The following CLYBL variants were observed in gnomAD, a reference collection of about 807,000 sequenced individuals.
CLYBL encodes citramalyl-CoA lyase, mitochondrial.
In CLYBL, 31 loss-of-function variants were observed where a neutral mutation model predicts 38.9. The ratio of observed to expected loss-of-function variants is 0.80; its 90% CI spans 0.60 to 1.08. The LOEUF (loss-of-function observed/expected upper bound fraction) is 1.08. Ranked by LOEUF, CLYBL falls within the 50% of genes least tolerant of loss-of-function variation. The pLI is 0.00. For missense variants in CLYBL, 434 were observed against 411.6 expected, an observed-to-expected ratio of 1.05 and a Z score of -0.47; for synonymous variants, 171 against 158.6, an observed-to-expected ratio of 1.08 and a Z score of -0.59.
At chr13:99,770,356 C>A (rs2049360714) in intron 1 of CLYBL, among the ~76,000 whole-genome samples, 1 of 152,102 alleles carries the variant, frequency 6.6e-6, no homozygotes, top group Non-Finnish European at 1.5e-5. Context: ...CTCGCTCTGT[C>A]ACCCAGGGTA....
chr13:99,697,368 A>G (rs1463041434), intron 1 of CLYBL, among the ~76,000 whole-genome samples: 1 of 152,082 alleles, frequency 6.6e-6, no homozygotes, highest in Non-Finnish European at 1.5e-5. Context: ...TTTATCCCAC[A>G]GGCTTTTTAT....
chr13:99,824,271 C>T (rs560818891), intron 2 of CLYBL, among the ~76,000 whole-genome samples: 40 of 141,556 alleles, frequency 2.8e-4, no homozygotes, highest in Middle Eastern at 3.5e-3. Context: ...CCCCCACCCA[C>T]CCCCAGCTAA....
At chr13:99,702,639 A>G (rs1274832097) in intron 1 of CLYBL, among the ~76,000 whole-genome samples, 2 of 152,124 alleles carry the variant, frequency 1.3e-5, no homozygotes, top group Non-Finnish European at 2.9e-5. Context: ...TCTCAAAAAA[A>G]AAAAAAAAAA....
At chr13:99,830,804 A>G (rs755646663) in intron 2 of CLYBL, among the ~76,000 whole-genome samples, 13 of 152,252 alleles carry the variant, frequency 8.5e-5, no homozygotes, top group Non-Finnish European at 1.8e-4. Flanking sequence ...ATATGCTTCC[A>G]GTCGTGGATT....
chr13:99,809,183 T>C (rs1156827380), intron 2 of CLYBL, among the ~76,000 whole-genome samples: 1 of 152,196 alleles, frequency 6.6e-6, no homozygotes, highest in Non-Finnish European at 1.5e-5. Context: ...AATGAATTAC[T>C]ATATTTATAA....
At chr13:99,636,771 T>C (rs1594094743) in intron 1 of CLYBL, among the ~76,000 whole-genome samples, 1 of 152,192 alleles carries the variant, frequency 6.6e-6, no homozygotes, top group South Asian at 2.1e-4. Context: ...CTACGAGGGG[T>C]AAGTAGGAAA....
In CLYBL at chr13:99,772,980, CTG is replaced by C. The variant is rs771535309; in HGVS notation, c.222_223del (p.Cys74Ter). On this transcript the variant is annotated frameshift_variant, in exon 2 of 9. Transcript: ENST00000339105. LOFTEE classifies it high-confidence loss of function. ...SLNVDCAVLD[C>X]EDGVAANKKN... ...TGAATGTAGATTGTGCAGTGCTCGA[CTG>C]TGAGGATGGAGTGGCTGCAAACAAA... The C allele has an allele frequency of 2.7e-5, 44 of 1,611,388 alleles. No individual in the cohort carries two copies. The African/African-American group carries it at 5.3e-4, about 20-fold the overall frequency.
At chr13:99,840,751 A>C (rs12862106) in intron 2 of CLYBL, among the ~76,000 whole-genome samples, 7 of 69,316 alleles carry the variant, frequency 1.0e-4, no homozygotes, top group Non-Finnish European at 1.7e-4. Context: ...CCCTTGTCTC[A>C]AAAAAAAAAA....
chr13:99,694,499 A>C (rs1227014348), intron 1 of CLYBL, among the ~76,000 whole-genome samples: 1 of 152,152 alleles, frequency 6.6e-6, no homozygotes, highest in Non-Finnish European at 1.5e-5. Flanking sequence ...TTACCCATCC[A>C]TCAGGGCCAC....
At chr13:99,709,057 C>T (rs2048188203) in intron 1 of CLYBL, among the ~76,000 whole-genome samples, 1 of 151,984 alleles carries the variant, frequency 6.6e-6, no homozygotes, top group Admixed American at 6.6e-5. Context: ...AACGCCACTG[C>T]ACTCCAGCCT....
At chr13:99,822,623 G>A (rs1201934829) in intron 2 of CLYBL, among the ~76,000 whole-genome samples, 1 of 152,134 alleles carries the variant, frequency 6.6e-6, no homozygotes, top group Non-Finnish European at 1.5e-5. Flanking sequence ...TGGACAAATG[G>A]TACATATTTT....
intron 1 of CLYBL, among the ~76,000 whole-genome samples, chr13:99,632,305 A>C (rs1337479110): frequency 6.6e-6 from 1 of 152,258 alleles, no homozygotes; most frequent in Admixed American, 6.5e-5. Flanking sequence ...GATCTTGGCC[A>C]CTGCCTACCA....
intron 6 of CLYBL, among the ~76,000 whole-genome samples, chr13:99,870,047 T>C (rs2051844580): frequency 6.6e-6 from 1 of 152,096 alleles, no homozygotes; most frequent in Admixed American, 6.5e-5. Context: ...TATCTTTGTG[T>C]GATGTTTTCA....
At chr13:99,797,503 GT>G (rs1277347552) in intron 2 of CLYBL, among the ~76,000 whole-genome samples, 1 of 150,094 alleles carries the variant, frequency 6.7e-6, no homozygotes, top group East Asian at 2.0e-4. Context: ...TTCAAATCAT[GT>G]TTTTGTTGTG....
At chr13:99,716,169 A>AGTTTTTTTTTTTTTTTTTTTTTT (rs1361639397) in intron 1 of CLYBL, among the ~76,000 whole-genome samples, 1 of 33,434 alleles carries the variant, frequency 3.0e-5, no homozygotes, top group African/African-American at 9.9e-5. Context: ...TATTGGTGTA[A>AGTTTTTTTTTTTTTTTTTTTTTT]TTTTTTTTTT....
downstream of CLYBL, chr13:99,894,467 G>A (rs909243098): frequency 4.6e-5 from 7 of 152,126 alleles, no homozygotes; most frequent in African/African-American, 1.4e-4. Context: ...CTAAATTATG[G>A]GTAACACTAT....
At chr13:99,678,600 C>T (rs1299171057) in intron 1 of CLYBL, among the ~76,000 whole-genome samples, 1 of 152,120 alleles carries the variant, frequency 6.6e-6, no homozygotes, top group African/African-American at 2.4e-5. Context: ...TAATTAACAC[C>T]AATTAAAAGA....
In CLYBL at chr13:99,635,406, T is replaced by A. The variant is rs113501987; in HGVS notation, c.62+28649T>A. On this transcript the variant is annotated intron_variant, in intron 1 of 8. Coordinates refer to ENST00000339105, the MANE Select transcript of CLYBL (RefSeq NM_206808.5). ...GCCCAGGCCTTCCTAGCCTGGCCCCTACCCAGGTCCAACCTTGTTTTCCAC... is the reference window on the plus strand; with the variant it reads ...GCCCAGGCCTTCCTAGCCTGGCCCCAACCCAGGTCCAACCTTGTTTTCCAC... Among the ~76,000 whole-genome samples, 537 of 152,152 alleles carry A rather than the reference T, an allele frequency of 3.5e-3. 5 individuals carry two copies. The highest frequency in any genetic ancestry group is 0.012 in the African/African-American group (482 of 41,530).
At chr13:99,809,640 G>A (rs970106966) in intron 2 of CLYBL, among the ~76,000 whole-genome samples, 13 of 152,240 alleles carry the variant, frequency 8.5e-5, no homozygotes, top group African/African-American at 2.7e-4. Flanking sequence ...TGGCTGTCAC[G>A]CTGTTAGCGA....
Sources: allele counts gnomAD v4.1 joint callset (sites outside exome capture counted in the v4.1 genomes callset), GRCh38; gene constraint gnomAD v4.1.1; transcripts MANE v1.5; gene names NCBI Gene and HGNC (gene_info 2026-07-23, HGNC 2026-07-21).